The following FTCDNL1 variants were observed in gnomAD, a reference collection of about 807,000 sequenced individuals.
The protein encoded by FTCDNL1 is formiminotransferase cyclodeaminase N-terminal like.
In FTCDNL1, 11 loss-of-function variants were observed where a neutral mutation model predicts 5.9. The observed-to-expected ratio is 1.87, with a 90% CI of 1.18 to 3.10. The LOEUF is 3.10. Ranked by LOEUF, FTCDNL1 falls within the 30% of genes most tolerant of loss-of-function variation. The probability of loss-of-function intolerance (pLI) is 0.00; values close to 1 mark genes in which losing one functional copy is unlikely to be tolerated. For synonymous variants in FTCDNL1, 58 were observed against 24.8 expected, an observed-to-expected ratio of 2.34 and a Z score of -3.99; for missense variants, 115 against 65.5, an observed-to-expected ratio of 1.76 and a Z score of -2.61.
intron 3 of FTCDNL1, among the ~76,000 whole-genome samples, chr2:199,835,142 C>T (rs1702639695): frequency 6.6e-6 from 1 of 152,218 alleles, no homozygotes; most frequent in South Asian, 2.1e-4. Flanking sequence ...TGCACTACTG[C>T]ACTCCAGCCT....
chr2:199,775,995 G>A (rs1574474292), intron 3 of FTCDNL1, among the ~76,000 whole-genome samples: 2 of 149,072 alleles, frequency 1.3e-5, no homozygotes, highest in South Asian at 2.1e-4. Context: ...CTCACTGCAA[G>A]CTCCACCTCC....
chr2:199,770,721 C>G (rs943644592), intron 3 of FTCDNL1, among the ~76,000 whole-genome samples: 1 of 152,166 alleles, frequency 6.6e-6, no homozygotes, highest in Non-Finnish European at 1.5e-5. Context: ...CCCTTTGGCT[C>G]TTTACTTCAG....
intron 3 of FTCDNL1, chr2:199,844,557 C>T (rs779135234): frequency 2.0e-6 from 1 of 502,752 alleles, no homozygotes; most frequent in South Asian, 2.8e-5. Flanking sequence ...TTGTGAAAAA[C>T]AATCATTCAG....
chr2:199,769,431 T>C (rs1031295131), intron 3 of FTCDNL1, among the ~76,000 whole-genome samples: 15 of 152,140 alleles, frequency 9.9e-5, no homozygotes, highest in Admixed American at 2.6e-4. Flanking sequence ...CCTGCCACCA[T>C]GTAAGACATG....
chr2:199,671,835 A>T, the FTCDNL1 span, among the ~76,000 whole-genome samples: 3 of 152,318 alleles, frequency 2.0e-5, no homozygotes, highest in African/African-American at 7.2e-5. Flanking sequence ...AGAGGAACAT[A>T]GACTTCTCTT....
At chr2:199,824,177 A>G (rs552271391) in intron 3 of FTCDNL1, among the ~76,000 whole-genome samples, 1 of 152,310 alleles carries the variant, frequency 6.6e-6, no homozygotes, top group African/African-American at 2.4e-5. Context: ...CAGCTTCTAC[A>G]TCAGCACTTG....
At chr2:199,672,115 T>C in the FTCDNL1 span, among the ~76,000 whole-genome samples, 1 of 152,182 alleles carries the variant, frequency 6.6e-6, no homozygotes, top group Non-Finnish European at 1.5e-5. Flanking sequence ...GGGATACCAG[T>C]GTGTGCCAAT....
chr2:199,829,191 TA>T (rs1436529375), intron 3 of FTCDNL1, among the ~76,000 whole-genome samples: 11 of 152,312 alleles, frequency 7.2e-5, no homozygotes, highest in East Asian at 3.9e-4. Flanking sequence ...TTTTTTAGGT[TA>T]TTTTTTTCCC....
chr2:199,720,472 G>A, the FTCDNL1 span, among the ~76,000 whole-genome samples: 1 of 152,134 alleles, frequency 6.6e-6, no homozygotes, highest in African/African-American at 2.4e-5. Context: ...CTTCTTGTCT[G>A]GAGACCTTGA....
At chr2:199,792,496 C>T (rs1028632168) in intron 3 of FTCDNL1, among the ~76,000 whole-genome samples, 1 of 152,150 alleles carries the variant, frequency 6.6e-6, no homozygotes, top group Non-Finnish European at 1.5e-5. Context: ...ATATTCTTCT[C>T]CCTGCTTGGT....
At chr2:199,715,799 T>C in the FTCDNL1 span, among the ~76,000 whole-genome samples, 19 of 151,936 alleles carry the variant, frequency 1.3e-4, no homozygotes, top group African/African-American at 4.6e-4. Context: ...GGGGCAAGAA[T>C]AATGGAGGAG....
exon 4 of FTCDNL1, chr2:199,760,791 G>A (rs1275416694): frequency 1.0e-5 from 7 of 702,228 alleles, no homozygotes; most frequent in East Asian, 5.4e-5. Context: ...CCTGGATGTC[G>A]ACCTCGCAAC....
intron 1 of FTCDNL1, among the ~76,000 whole-genome samples, chr2:199,850,134 G>C (rs2076836391): frequency 6.6e-6 from 1 of 152,316 alleles, no homozygotes; most frequent in African/African-American, 2.4e-5. Context: ...AGCTAGCTCA[G>C]GTTTGCAGGC....
At chr2:199,762,196 T>C (rs1051104402) in intron 3 of FTCDNL1, among the ~76,000 whole-genome samples, 5 of 152,258 alleles carry the variant, frequency 3.3e-5, no homozygotes, top group African/African-American at 9.6e-5. Context: ...CTGCCCAATA[T>C]AGTGAAACCC....
chr2:199,806,597 A>T (rs1407283949), downstream of FTCDNL1, among the ~76,000 whole-genome samples: 1 of 152,222 alleles, frequency 6.6e-6, no homozygotes, highest in Admixed American at 6.5e-5. Flanking sequence ...AACCAATTAC[A>T]GAGCAAGGCT....
chr2:199,745,223 T>C, the FTCDNL1 span, among the ~76,000 whole-genome samples: 1 of 152,248 alleles, frequency 6.6e-6, no homozygotes, highest in Non-Finnish European at 1.5e-5. Context: ...CATGCTGGAC[T>C]CTGTTCCAGG....
chr2:199,723,931 A>G, the FTCDNL1 span, among the ~76,000 whole-genome samples: 1 of 152,102 alleles, frequency 6.6e-6, no homozygotes, highest in Non-Finnish European at 1.5e-5. Flanking sequence ...CTCCTTTTCA[A>G]TTGTTTGGAA....
chr2:199,692,389 C>T, the FTCDNL1 span, among the ~76,000 whole-genome samples: 1 of 152,156 alleles, frequency 6.6e-6, no homozygotes, highest in African/African-American at 2.4e-5. Flanking sequence ...ATCACTATAA[C>T]TCATTAGAAT....
At chr2:199,787,728 A>C (rs979950740) in intron 3 of FTCDNL1, among the ~76,000 whole-genome samples, 2 of 152,182 alleles carry the variant, frequency 1.3e-5, no homozygotes, top group Non-Finnish European at 2.9e-5. Context: ...TGGGGGAAAA[A>C]AATACAAATG....
Sources: gnomAD v4.1 joint callset for allele counts (sites outside exome capture counted in the v4.1 genomes callset) on GRCh38, gnomAD v4.1.1 for gene constraint, MANE v1.5 for transcripts, NCBI Gene and HGNC (gene_info 2026-07-23, HGNC 2026-07-21) for gene names.